EPRS1: variants seen among roughly 807,000 people sequenced by gnomAD.
The protein encoded by EPRS1 is bifunctional glutamate/proline--tRNA ligase.
EPRS1 carries 107 observed loss-of-function variants against 188.3 expected under a neutral mutation model. The ratio of observed to expected loss-of-function variants is 0.57; its 90% CI spans 0.49 to 0.67. The LOEUF is 0.67. EPRS1 is among the 30% of genes least tolerant of loss of function. EPRS1 has a pLI of 0.00. For synonymous variants in EPRS1, 596 were observed against 593.1 expected (o/e 1.00, Z -0.07); for missense variants, 1,577 against 1,802.2 (o/e 0.88, Z 2.26).
At chr1:220,039,683 T>C (rs1277569989) in intron 2 of EPRS1, among the ~76,000 whole-genome samples, 3 of 152,206 alleles carry the variant, frequency 2.0e-5, no homozygotes, top group Non-Finnish European at 4.4e-5. Flanking sequence ...AACACCTGGA[T>C]AATTTTTTGT....
intron 1 of EPRS1, among the ~76,000 whole-genome samples, chr1:220,044,289 GAGC>G (rs1186766882): frequency 6.6e-6 from 1 of 152,080 alleles, no homozygotes; most frequent in Non-Finnish European, 1.5e-5. Context: ...AAAGGGAGAG[GAGC>G]AATTAGAAAA....
At chr1:220,001,100 C>T in intron 17 of EPRS1, 38 bp downstream of exon 17, 1 of 1,092,308 alleles carries the variant, frequency 9.2e-7, no homozygotes, top group Non-Finnish European at 1.4e-6. Context: ...GATAGAAAGA[C>T]CATTTATTTT....
At chr1:220,006,397 T>A in intron 14 of EPRS1, 84 bp from the exon 15 acceptor site, 1 of 384,958 alleles carries the variant, frequency 2.6e-6, no homozygotes, top group Non-Finnish European at 4.3e-6. Context: ...TAATTTTATA[T>A]TATTATAAAA....
chr1:219,969,355 C>A, intron 30 of EPRS1: 1 of 499,862 alleles, frequency 2.0e-6, no homozygotes, highest in East Asian at 3.4e-5. Flanking sequence ...CAAGACACAA[C>A]AAAGACATCT....
intron 20 of EPRS1, among the ~76,000 whole-genome samples, chr1:219,986,245 A>C (rs1661003862): frequency 6.6e-6 from 1 of 152,256 alleles, no homozygotes; most frequent in Non-Finnish European, 1.5e-5. Flanking sequence ...GAAACAGATA[A>C]AAAATTACAA....
At chr1:219,995,737 T>C (rs1661218128) in intron 18 of EPRS1, among the ~76,000 whole-genome samples, 1 of 152,024 alleles carries the variant, frequency 6.6e-6, no homozygotes, top group South Asian at 2.1e-4. Flanking sequence ...GACAGAAAAA[T>C]ATTAACTCCT....
chr1:219,987,441 A>T (rs1438896881), intron 19 of EPRS1, 37 bp from the exon 20 acceptor site: 3 of 1,526,440 alleles, frequency 2.0e-6, no homozygotes, highest in Admixed American at 2.0e-5. Context: ...AGAAGACAGT[A>T]TTTAACTCAA....
At position 220,044,896 on chromosome 1, in the gene EPRS1, C is replaced by G. The variant is rs143843632; in HGVS notation, c.46+1447G>C. On this transcript the variant is annotated intron_variant, in intron 1 of 31. Coordinates refer to ENST00000366923, the MANE Select transcript of EPRS1 (RefSeq NM_004446.3). ...ACTCAGGTCTGCAGAAACCAAATGT[C>G]TTTGCTCTCAATCATGAAGGCACTC... Among the ~76,000 whole-genome samples the G allele has an allele frequency of 4.9e-3, 743 of 152,238 alleles. 7 individuals carry two copies. Among genetic ancestry groups the G allele is most frequent in the African/African-American group, 0.017 (696 of 41,546 alleles).
At chr1:220,029,552 T>C (rs986377021) in intron 6 of EPRS1, among the ~76,000 whole-genome samples, 19 of 152,256 alleles carry the variant, frequency 1.2e-4, no homozygotes, top group African/African-American at 3.9e-4. Context: ...ATTATGGTGA[T>C]AGAATACAAA....
At chr1:219,977,332 A>T (rs1660800194) in intron 28 of EPRS1, among the ~76,000 whole-genome samples, 1 of 152,142 alleles carries the variant, frequency 6.6e-6, no homozygotes, top group African/African-American at 2.4e-5. Context: ...CCCAACTCAT[A>T]CTAAGAATAC....
In EPRS1 at chr1:220,006,136, G is replaced by A; in HGVS notation, c.1920C>T (p.Asp640=). Residue 640 remains aspartate, a synonymous_variant, in exon 15 of 32, where the codon GAC becomes GAT. Coordinates refer to ENST00000366923, the MANE Select transcript of EPRS1 (RefSeq NM_004446.3). ...ITKPVLGKDE[D]FKQYVNKNSK... is the part of the protein sequence containing the mutation. ...TGTTCTTGTTGACATACTGCTTAAA[G>A]TCCTCGTCTTTTCCTAGCACTGGCT... 1.3e-6 allele frequency: 2 copies of A among 1,592,470 alleles called. No homozygotes were observed. The highest frequency in any genetic ancestry group is 8.6e-7 in the Non-Finnish European group (1 of 1,166,900).
chr1:220,030,211 A>G (rs1487605095), intron 6 of EPRS1, among the ~76,000 whole-genome samples, 175 bp downstream of exon 6: 1 of 152,236 alleles, frequency 6.6e-6, no homozygotes, highest in Admixed American at 6.5e-5. Context: ...AATTAAATCA[A>G]CATTAACTAT....
intron 23 of EPRS1, among the ~76,000 whole-genome samples, chr1:219,981,840 A>G (rs1660907802): frequency 6.6e-6 from 1 of 152,220 alleles, no homozygotes; most frequent in Admixed American, 6.5e-5. Context: ...TCAACCCACA[A>G]GAAGGTATCA....
intron 6 of EPRS1, among the ~76,000 whole-genome samples, chr1:220,025,882 C>T (rs1039570835): frequency 3.9e-5 from 6 of 151,952 alleles, no homozygotes; most frequent in Non-Finnish European, 8.8e-5. Context: ...GCAACCTCCA[C>T]CTCCTGGGTT....
At chr1:220,039,361 A>G (rs1662250758) in intron 2 of EPRS1, among the ~76,000 whole-genome samples, 1 of 152,162 alleles carries the variant, frequency 6.6e-6, no homozygotes, top group African/African-American at 2.4e-5. Context: ...TCTCAAAGCT[A>G]GACCTCTAGT....
chr1:220,020,056 A>G lies in EPRS1; in HGVS notation c.1281T>C (p.Asn427=), dbSNP rs1304804497. 2 of 1,613,992 alleles carry G rather than the reference A, an allele frequency of 1.2e-6. No individual in the cohort carries two copies. The highest frequency in any genetic ancestry group is 2.7e-5 in the African/African-American group (2 of 74,924). Residue 427 remains asparagine (N), a synonymous_variant, in exon 10 of 32, where the codon AAT becomes AAC. Coordinates refer to ENST00000366923, the MANE Select transcript of EPRS1 (RefSeq NM_004446.3). ...TTTTGGATAGCACTGTGTTGTTGAG[A>G]TTTAGCCGACTATATTCCCAAATAT... is the stretch of plus-strand genomic sequence containing the variant. ...KPYIWEYSRL[N]LNNTVLSKRK...
At position 219,989,803 on chromosome 1, in the gene EPRS1, T is replaced by C. The variant is rs1178933406; in HGVS notation, c.2542-980A>G. On this transcript the variant is annotated intron_variant, in intron 18 of 31. Coordinates refer to ENST00000366923, the MANE Select transcript of EPRS1 (RefSeq NM_004446.3). ...CAAAGGTAGTAAAATTAAGAGAAAA[T>C]GTACAAAGAGAAGATGAGAGTAGAT... 6.6e-5 allele frequency among the ~76,000 whole-genome samples: 10 copies of C among 152,182 alleles called. No individual in the cohort carries two copies. The East Asian group carries it at 1.9e-3, about 29-fold the overall frequency.
intron 18 of EPRS1, among the ~76,000 whole-genome samples, chr1:219,995,445 A>AAGG (rs1661212695): frequency 6.6e-6 from 1 of 152,188 alleles, no homozygotes; most frequent in Admixed American, 6.5e-5. Context: ...TACACCTAAA[A>AAGG]AGGAGTACAT....
chr1:220,035,035 AAAT>A (rs1362142242), intron 2 of EPRS1, 22 bp from the exon 3 acceptor site: 1 of 1,171,236 alleles, frequency 8.5e-7, no homozygotes, highest in South Asian at 1.3e-5. Context: ...GCACGAGATA[AAAT>A]ATTACTGCTG....
Sources: allele counts gnomAD v4.1 joint callset (sites outside exome capture counted in the v4.1 genomes callset), GRCh38; gene constraint gnomAD v4.1.1; transcripts MANE v1.5; gene names NCBI Gene and HGNC (gene_info 2026-07-23, HGNC 2026-07-21).